The following LMBR1 variants were observed in gnomAD, a reference collection of about 807,000 sequenced individuals.
LMBR1 encodes the protein limb development membrane protein 1, also known as limb region 1 protein homolog.
Under a neutral mutation model 73.9 loss-of-function variants are expected in LMBR1, and 52 were observed. That is an observed-to-expected ratio of 0.70 (90% CI 0.56 to 0.89). The LOEUF is 0.89. Ranked by LOEUF, LMBR1 falls within the 40% of genes least tolerant of loss-of-function variation. The probability of loss-of-function intolerance (pLI) is 0.00; values close to 1 mark genes in which losing one functional copy is unlikely to be tolerated. For missense variants in LMBR1, 539 were observed against 579.8 expected (o/e 0.93, Z 0.72); for synonymous variants, 215 against 209.4 (o/e 1.03, Z -0.23).
chr7:156,893,023 GCGTCCGCGTGCTCCGCCACACCAT>G lies in LMBR1; in HGVS notation c.-54_-31del. The G allele has an allele frequency of 1.4e-6, 2 of 1,472,854 alleles. No homozygotes were observed. Among genetic ancestry groups the G allele is most frequent in the Non-Finnish European group, 1.8e-6 (2 of 1,116,476 alleles). The allele number at this position is 1,472,854 out of a possible 1,614,324, so 91.2% of individuals were successfully genotyped here. The stretch of plus-strand genomic sequence containing the variant: ...CTTCATGCCCGCCGCCGCGCCGCCC[GCGTCCGCGTGCTCCGCCACACCAT>G]CGTCCGCCCGCCGCAGGGGCTCGGA... On this transcript the variant is annotated 5_prime_UTR_variant, in exon 1 of 17. It removes an upstream start codon present in the reference 5' UTR. Coordinates refer to ENST00000353442, the MANE Select transcript of LMBR1 (RefSeq NM_022458.4).
At chr7:156,891,408 C>T (rs918811409) in intron 1 of LMBR1, among the ~76,000 whole-genome samples, 16 of 151,084 alleles carry the variant, frequency 1.1e-4, no homozygotes, top group African/African-American at 3.9e-4. Context: ...CCACATACAA[C>T]ATGGAGAAAT....
Position 156,681,875 on chromosome 7 carries a change from A to C in LMBR1, c.*2203T>G, listed in dbSNP as rs1462847403. The C allele has an allele frequency of 6.6e-6, 1 of 152,286 alleles. No individual in the cohort carries two copies. The highest frequency in any genetic ancestry group is 1.5e-5 in the Non-Finnish European group (1 of 68,098). The allele number at this position is 152,286 out of a possible 1,614,324, so 9.4% of individuals were successfully genotyped here. ...TCCGTATTCTGGCATCCATTTCTGG[A>C]GTTCGTCATATAAAGCAGCCTCCGA... On this transcript the variant is annotated 3_prime_UTR_variant, in exon 17 of 17. Coordinates refer to ENST00000353442, the MANE Select transcript of LMBR1 (RefSeq NM_022458.4).
chr7:156,766,064 A>C (rs1443876515), intron 5 of LMBR1, among the ~76,000 whole-genome samples: 1 of 152,134 alleles, frequency 6.6e-6, no homozygotes, highest in African/African-American at 2.4e-5. Flanking sequence ...TCTGGTAAGA[A>C]CTATTTCTTA....
rs569812426 is a variant in LMBR1, at chr7:156,840,505, A to G, written c.67-3620T>C. ...AATGAGTGGGCAGAAGTAAGAGACAAGGTCAGAAAATAATGGGAGCCCACT... is the reference window on the plus strand; with the variant it reads ...AATGAGTGGGCAGAAGTAAGAGACAGGGTCAGAAAATAATGGGAGCCCACT... On this transcript the variant is annotated intron_variant, in intron 1 of 16. Transcript: ENST00000353442. Among the ~76,000 whole-genome samples the G allele has an allele frequency of 2.8e-4, 43 of 152,100 alleles. No individual in the cohort carries two copies. In the East Asian group the frequency reaches 6.2e-3, roughly 22 times the overall value.
chr7:156,675,521 A>G (rs753189169), downstream of LMBR1, among the ~76,000 whole-genome samples: 4 of 152,198 alleles, frequency 2.6e-5, no homozygotes, highest in Non-Finnish European at 5.9e-5. Context: ...TCATCTGTCC[A>G]GATTATCTGG....
At chr7:156,870,964 G>C (rs368337145) in intron 1 of LMBR1, among the ~76,000 whole-genome samples, 1 of 151,418 alleles carries the variant, frequency 6.6e-6, no homozygotes, top group South Asian at 2.1e-4. Flanking sequence ...ACAAAGATTA[G>C]AGCAGAAATA....
At chr7:156,689,209 T>C (rs983933681) in intron 15 of LMBR1, among the ~76,000 whole-genome samples, 1 of 152,138 alleles carries the variant, frequency 6.6e-6, no homozygotes, top group Non-Finnish European at 1.5e-5. Flanking sequence ...ATCATTCAGG[T>C]GTCGGTCAAG....
At chr7:156,867,764 G>C (rs1051626784) in intron 1 of LMBR1, among the ~76,000 whole-genome samples, 1 of 152,172 alleles carries the variant, frequency 6.6e-6, no homozygotes, top group Non-Finnish European at 1.5e-5. Flanking sequence ...TAGGGCTAGA[G>C]GAAGGAGTAT....
chr7:156,832,720 C>T (rs1836909014), intron 3 of LMBR1, among the ~76,000 whole-genome samples: 1 of 152,192 alleles, frequency 6.6e-6, no homozygotes, highest in Admixed American at 6.5e-5. Flanking sequence ...TCCTCTTCCC[C>T]TTTTCTTACT....
At chr7:156,872,792 C>A (rs1799502025) in intron 1 of LMBR1, among the ~76,000 whole-genome samples, 1 of 152,202 alleles carries the variant, frequency 6.6e-6, no homozygotes, top group Non-Finnish European at 1.5e-5. Context: ...TAGATTGCAG[C>A]TCCCACTCAG....
intron 5 of LMBR1, among the ~76,000 whole-genome samples, chr7:156,770,578 T>C (rs1224197328): frequency 6.6e-6 from 1 of 152,056 alleles, no homozygotes; most frequent in East Asian, 1.9e-4. Context: ...ACTCAAGAAT[T>C]TGTAAAAGGA....
intron 2 of LMBR1, among the ~76,000 whole-genome samples, chr7:156,834,210 T>C (rs999558249): frequency 2.0e-5 from 3 of 152,324 alleles, no homozygotes; most frequent in Admixed American, 1.3e-4. Context: ...TAATTTTCTA[T>C]AATATGAATT....
chr7:156,675,848 GA>G, downstream of LMBR1: 1 of 1,613,766 alleles, frequency 6.2e-7, no homozygotes, highest in Non-Finnish European at 8.5e-7. Context: ...AGGAATGGGA[GA>G]AAATCCAAGT....
chr7:156,824,796 G>C (rs1835384399), intron 4 of LMBR1, among the ~76,000 whole-genome samples: 1 of 151,562 alleles, frequency 6.6e-6, no homozygotes, highest in Admixed American at 6.6e-5. Context: ...AGACAGCCAT[G>C]ATCGTGTCAC....
intron 1 of LMBR1, among the ~76,000 whole-genome samples, chr7:156,874,431 C>A (rs919333575): frequency 2.0e-5 from 3 of 152,256 alleles, no homozygotes; most frequent in African/African-American, 7.2e-5. Flanking sequence ...AGCCTCGGCC[C>A]ACCCAGAAAG....
At chr7:156,829,452 C>G (rs1836280797) in intron 3 of LMBR1, among the ~76,000 whole-genome samples, 1 of 152,232 alleles carries the variant, frequency 6.6e-6, no homozygotes, top group Admixed American at 6.5e-5. Flanking sequence ...TTTAAAGGAA[C>G]CTGGCACCTT....
chr7:156,677,999 T>A lies in LMBR1; in HGVS notation c.*6079A>T, dbSNP rs1804373820. On this transcript the variant is annotated 3_prime_UTR_variant, in exon 17 of 17. Transcript: ENST00000353442. ...CCAGAGCAGTCCGATTCCGCCGCCC[T>A]AAACTTTGGATCTAGAAGGAGAGTC... 6.6e-6 allele frequency: 1 copy of A among 152,244 alleles called. No individual in the cohort carries two copies. Among genetic ancestry groups the A allele is most frequent in the South Asian group, 2.1e-4 (1 of 4,832 alleles). 9.4% of individuals were successfully genotyped at this position (152,244 alleles called of 1,614,324 possible). A position where few individuals can be genotyped will look rare whatever the true frequency, so the allele number is the denominator to read the frequency against.
chr7:156,807,021 T>A (rs1832256100), intron 4 of LMBR1, among the ~76,000 whole-genome samples: 1 of 145,046 alleles, frequency 6.9e-6, no homozygotes, highest in Non-Finnish European at 1.5e-5. Flanking sequence ...CATGTATTGT[T>A]ACGACCATAT....
At chr7:156,807,753 T>C in intron 4 of LMBR1, among the ~76,000 whole-genome samples, 1 of 152,216 alleles carries the variant, frequency 6.6e-6, no homozygotes, top group African/African-American at 2.4e-5. Context: ...AGGTATTTCG[T>C]GCTATACATT....
Sources: gnomAD v4.1 joint callset for allele counts (sites outside exome capture counted in the v4.1 genomes callset) on GRCh38, gnomAD v4.1.1 for gene constraint, MANE v1.5 for transcripts, NCBI Gene and HGNC (gene_info 2026-07-23, HGNC 2026-07-21) for gene names.